Variants in TJP2 observed in about 807,000 individuals in gnomAD.
TJP2 encodes tight junction protein 2.
In TJP2, 91 loss-of-function variants were observed where a neutral mutation model predicts 133.1. That is an observed-to-expected ratio of 0.68 (90% CI 0.58 to 0.81). The LOEUF (loss-of-function observed/expected upper bound fraction) is 0.81. Among genes scored for constraint, TJP2 ranks in the 40% least tolerant of loss-of-function variants. The pLI is 0.00. For synonymous variants in TJP2, 592 were observed against 583.4 expected, an observed-to-expected ratio of 1.01 and a Z score of -0.21; for missense variants, 1,541 against 1,565.6, an observed-to-expected ratio of 0.98 and a Z score of 0.26.
intron 6 of TJP2, among the ~76,000 whole-genome samples, chr9:69,225,801 A>G (rs1274475279): frequency 6.6e-6 from 1 of 152,218 alleles, no homozygotes; most frequent in East Asian, 1.9e-4. Flanking sequence ...TGAGCTTGGA[A>G]GTTAAATAAA....
chr9:69,248,051 T>A lies in TJP2; in HGVS notation c.2707T>A (p.Tyr903Asn). Residue 903 changes from tyrosine to asparagine, a missense_variant, in exon 19 of 23, where the codon TAC (tyrosine) becomes AAC (asparagine). Transcript: ENST00000377245. ...TGATGACCCCGAAGACCGCATGTCC[T>A]ACTTAACCGCCATGGGCGCGGACTA... ...MDDDPEDRMS[Y>N]LTAMGADYLS... The A allele has an allele frequency of 1.2e-6, 2 of 1,613,784 alleles. No individual in the cohort carries two copies. Among genetic ancestry groups the A allele is most frequent in the Non-Finnish European group, 1.7e-6 (2 of 1,179,716 alleles).
At chr9:69,220,736 T>G (rs1255738893) in intron 4 of TJP2, 151 bp from the exon 5 acceptor site, 2 of 723,256 alleles carry the variant, frequency 2.8e-6, no homozygotes, top group East Asian at 5.4e-5. Flanking sequence ...TGTGAGATTT[T>G]TATTGTCCGT....
intron 13 of TJP2, 37 bp downstream of exon 13, chr9:69,236,275 C>T (rs760994814): frequency 1.9e-6 from 3 of 1,606,580 alleles, no homozygotes; most frequent in Admixed American, 3.3e-5. Context: ...CCCTTTTAAT[C>T]CTTCCCCCTG....
At position 69,247,923 on chromosome 9, in the gene TJP2, G is replaced by A. The variant is rs78728942; in HGVS notation, c.2668-89G>A. 8.5e-4 allele frequency: 1,123 copies of A among 1,325,952 alleles called. 7 individuals carry two copies. The African/African-American group carries it at 0.014, about 17-fold the overall frequency. The allele number at this position is 1,325,952 out of a possible 1,614,324, so 82.1% of individuals were successfully genotyped here. A position where few individuals can be genotyped will look rare whatever the true frequency, so the allele number is the denominator to read the frequency against. On this transcript the variant is annotated intron_variant, in intron 18 of 22. Coordinates refer to ENST00000377245, the MANE Select transcript of TJP2 (RefSeq NM_004817.4). ...TGGCGAGCACATCAAGGTTTCAGTC[G>A]CTTGGCTGTGTCCTTGGGAATTTTC...
At chr9:69,239,775 C>T (rs1830457737) in intron 16 of TJP2, among the ~76,000 whole-genome samples, 162 bp from the exon 17 acceptor site, 1 of 151,212 alleles carries the variant, frequency 6.6e-6, no homozygotes, top group African/African-American at 2.4e-5. Context: ...GTTTGTGCCA[C>T]TGCACTCCAG....
At position 69,243,991 on chromosome 9, in the gene TJP2, C is replaced by T. The variant is rs186673151; in HGVS notation, c.2567-2699C>T. Among the ~76,000 whole-genome samples, 488 of 152,064 alleles carry T rather than the reference C, an allele frequency of 3.2e-3. 1 individual carries two copies. The highest frequency in any genetic ancestry group is 0.01 in the Middle Eastern group (3 of 292). ...TTGAGCTCAGGAGTTTGAGACCAGC[C>T]TGGGCAACATGATGAAACCCTGTCT... On this transcript the variant is annotated intron_variant, in intron 17 of 22. Transcript: ENST00000377245.
intron 1 of TJP2, among the ~76,000 whole-genome samples, chr9:69,126,330 TG>T (rs1822295080): frequency 1.3e-5 from 1 of 77,234 alleles, no homozygotes. Flanking sequence ...CTGAGACCTC[TG>T]ATGAGTTAGA....
At chr9:69,133,363 G>A (rs10124710) in intron 1 of TJP2, among the ~76,000 whole-genome samples, 71,870 of 151,868 alleles carry the variant, frequency 0.47, 17,241 homozygotes, top group East Asian at 0.62. Context: ...ATGGCTTAGC[G>A]ACGCCTAGCC....
At chr9:69,189,633 C>CTTTT (rs57985835) in intron 1 of TJP2, among the ~76,000 whole-genome samples, 4 of 61,108 alleles carry the variant, frequency 6.5e-5, no homozygotes, top group African/African-American at 1.8e-4. Flanking sequence ...GGAGACTCCA[C>CTTTT]TTTTTTTTTT....
chr9:69,251,171 C>T lies in TJP2; in HGVS notation c.3128C>T (p.Pro1043Leu), dbSNP rs1831302718. Residue 1043 changes from proline (P) to leucine (L), a missense_variant, in exon 21 of 23, where the codon CCT (proline) becomes CTT (leucine). By Grantham distance (98) the Pro-to-Leu change is moderately conservative. Coordinates refer to ENST00000377245, the MANE Select transcript of TJP2 (RefSeq NM_004817.4). Reference protein sequence around the residue: ...KGYPPPVAAKPTFGRSILKPS... With the variant: ...KGYPPPVAAKLTFGRSILKPS... Reference sequence around the variant, plus strand: ...TATCCTCCTCCTGTTGCAGCAAAACCTACCTTTGGGCGGTCTATACTGAAG... The same window carrying T: ...TATCCTCCTCCTGTTGCAGCAAAACTTACCTTTGGGCGGTCTATACTGAAG... 6.2e-7 allele frequency: 1 copy of T among 1,614,052 alleles called. No homozygotes were observed. Among genetic ancestry groups the T allele is most frequent in the Non-Finnish European group, 8.5e-7 (1 of 1,180,034 alleles).
chr9:69,202,837 G>A (rs2133133053), intron 1 of TJP2, among the ~76,000 whole-genome samples: 1 of 152,150 alleles, frequency 6.6e-6, no homozygotes, highest in East Asian at 1.9e-4. Flanking sequence ...CCATGGATAA[G>A]TGGACCAGGG....
chr9:69,212,314 T>G (rs1827980559), intron 1 of TJP2, among the ~76,000 whole-genome samples: 1 of 152,264 alleles, frequency 6.6e-6, no homozygotes, highest in South Asian at 2.1e-4. Flanking sequence ...CCATTCTTTT[T>G]AGGGTCTGTC....
chr9:69,251,399 G>A (rs758947535), intron 21 of TJP2, 35 bp downstream of exon 21: 2 of 1,596,962 alleles, frequency 1.3e-6, no homozygotes, highest in Non-Finnish European at 1.7e-6. Flanking sequence ...ATCAATAAGA[G>A]TTTTAAATAA....
Position 69,251,194 on chromosome 9 carries a change from A to C in TJP2, c.3151A>C (p.Lys1051Gln). The C allele has an allele frequency of 6.2e-7, 1 of 1,614,110 alleles. No homozygotes were observed. Among genetic ancestry groups the C allele is most frequent in the South Asian group, 1.1e-5 (1 of 91,082 alleles). ...ACCTACCTTTGGGCGGTCTATACTG[A>C]AGCCCTCCACTCCCATCCCTCCTCA... is the stretch of plus-strand genomic sequence containing the variant. ...AKPTFGRSIL[K>Q]PSTPIPPQEG... is the part of the protein sequence containing the mutation. The change falls in exon 21 of 23, where the codon AAG (lysine) becomes CAG (glutamine). Residue 1051 changes from lysine (K) to glutamine (Q), a missense_variant. Lys to Gln is a moderately conservative substitution (Grantham distance 53). Coordinates refer to ENST00000377245, the MANE Select transcript of TJP2 (RefSeq NM_004817.4).
At chr9:69,196,790 T>TC (rs1320683556) in intron 1 of TJP2, among the ~76,000 whole-genome samples, 1 of 151,958 alleles carries the variant, frequency 6.6e-6, no homozygotes, top group Non-Finnish European at 1.5e-5. Flanking sequence ...TCCCCCAAAC[T>TC]CCCATAGTCT....
At chr9:69,215,041 T>C (rs1828254226) in intron 2 of TJP2, among the ~76,000 whole-genome samples, 1 of 152,138 alleles carries the variant, frequency 6.6e-6, no homozygotes, top group African/African-American at 2.4e-5. Context: ...TGGAGGCCAT[T>C]ATCCTAAGCA....
intron 2 of TJP2, among the ~76,000 whole-genome samples, chr9:69,160,623 C>T (rs1423951699): frequency 6.6e-6 from 1 of 152,144 alleles, no homozygotes; most frequent in Admixed American, 6.5e-5. Flanking sequence ...TAGTGAGAAG[C>T]AAGGGGAAAA....
intron 1 of TJP2, among the ~76,000 whole-genome samples, chr9:69,188,932 A>C (rs1826032361): frequency 6.6e-6 from 1 of 152,158 alleles, no homozygotes; most frequent in Non-Finnish European, 1.5e-5. Context: ...TGGAAGGAAA[A>C]ACTTAGATAT....
chr9:69,145,323 T>C (rs566801650), intron 1 of TJP2, among the ~76,000 whole-genome samples: 53 of 152,312 alleles, frequency 3.5e-4, no homozygotes, highest in African/African-American at 1.2e-3. Flanking sequence ...TTTGGACCAA[T>C]TATTACCAGA....
Sources: allele counts gnomAD v4.1 joint callset (sites outside exome capture counted in the v4.1 genomes callset), GRCh38; gene constraint gnomAD v4.1.1; transcripts MANE v1.5; gene names NCBI Gene and HGNC (gene_info 2026-07-23, HGNC 2026-07-21).